Variants in EPB41L5 observed in about 807,000 individuals in gnomAD.
EPB41L5 encodes the protein band 4.1-like protein 5.
A neutral mutation model predicts 106.6 loss-of-function variants in EPB41L5; 55 were observed. That is an observed-to-expected ratio of 0.52 (90% confidence interval 0.42 to 0.65). The LOEUF is 0.65. EPB41L5 is among the 30% of genes least tolerant of loss of function. EPB41L5 has a pLI of 0.00. For synonymous variants in EPB41L5, 297 were observed against 306.7 expected (o/e 0.97, Z 0.33); for missense variants, 871 against 882.1 (o/e 0.99, Z 0.16).
At chr2:120,031,509 C>T (rs923388581) in intron 2 of EPB41L5, among the ~76,000 whole-genome samples, 1 of 152,068 alleles carries the variant, frequency 6.6e-6, no homozygotes. Context: ...TTGTAGTGGG[C>T]CAGAGCTTTG....
chr2:120,054,199 A>G (rs1324513169), intron 3 of EPB41L5, among the ~76,000 whole-genome samples: 1 of 152,120 alleles, frequency 6.6e-6, no homozygotes, highest in African/African-American at 2.4e-5. Flanking sequence ...CCGTTTGTGT[A>G]TCTTCTTTGG....
chr2:120,077,182 T>G (rs1324517459), intron 8 of EPB41L5, 47 bp from the exon 9 acceptor site: 10 of 1,578,994 alleles, frequency 6.3e-6, no homozygotes, highest in African/African-American at 1.4e-5. Flanking sequence ...GTATAGAATT[T>G]ATTTTATATT....
chr2:120,044,640 T>C (rs897181282), intron 3 of EPB41L5, among the ~76,000 whole-genome samples: 1 of 152,232 alleles, frequency 6.6e-6, no homozygotes, highest in Non-Finnish European at 1.5e-5. Context: ...TAAGTTGTAT[T>C]ATTAGCCCTT....
At chr2:120,051,513 A>T (rs577353477) in intron 3 of EPB41L5, among the ~76,000 whole-genome samples, 13 of 152,282 alleles carry the variant, frequency 8.5e-5, no homozygotes, top group South Asian at 4.2e-4. Context: ...AAAGCTCAGT[A>T]TTAGGTTGAG....
intron 20 of EPB41L5, among the ~76,000 whole-genome samples, chr2:120,151,287 G>A (rs1224295195): frequency 2.6e-5 from 4 of 151,820 alleles, no homozygotes; most frequent in African/African-American, 9.7e-5. Flanking sequence ...GCGACGGAGC[G>A]AGACTCCATC....
chr2:120,061,035 T>C (rs1020155704), intron 3 of EPB41L5, among the ~76,000 whole-genome samples: 2 of 102,976 alleles, frequency 1.9e-5, no homozygotes, highest in African/African-American at 7.0e-5. Context: ...AGGGAAGTTT[T>C]TTTTTTTTTT....
intron 19 of EPB41L5, 24 bp downstream of exon 19, chr2:120,143,155 C>A: frequency 3.2e-6 from 5 of 1,545,076 alleles, no homozygotes; most frequent in Non-Finnish European, 4.3e-6. Flanking sequence ...GATAGATAGC[C>A]CTGGTGAAGT....
chr2:120,129,928 C>G lies in EPB41L5; in HGVS notation c.1502-1690C>G, dbSNP rs111245232. Reference sequence around the variant, plus strand: ...CGGGAGGCCAAGGCAGGCGGATCACCTGAGGTCAGCAGTTCGAGACCAGCC... The same window carrying G: ...CGGGAGGCCAAGGCAGGCGGATCACGTGAGGTCAGCAGTTCGAGACCAGCC... On this transcript the variant is annotated intron_variant, in intron 17 of 24. Transcript: ENST00000263713. 8.1e-3 allele frequency among the ~76,000 whole-genome samples: 1,228 copies of G among 152,174 alleles called. 14 individuals are homozygous for G. Among genetic ancestry groups the G allele is most frequent in the African/African-American group, 0.028 (1,165 of 41,520 alleles).
chr2:120,104,205 C>A, intron 16 of EPB41L5: 2 of 1,535,810 alleles, frequency 1.3e-6, no homozygotes, highest in South Asian at 1.2e-5. Context: ...TCATGATGTT[C>A]ATTTTCCTGG....
intron 14 of EPB41L5, among the ~76,000 whole-genome samples, chr2:120,099,990 G>A (rs1215278253): frequency 6.6e-6 from 1 of 152,152 alleles, no homozygotes; most frequent in East Asian, 1.9e-4. Context: ...TACCTCTAAA[G>A]CATGATTAAA....
At chr2:120,090,219 A>G (rs1427520470) in intron 11 of EPB41L5, 128 bp from the exon 12 acceptor site, 2 of 679,832 alleles carry the variant, frequency 2.9e-6, no homozygotes, top group Non-Finnish European at 4.7e-6. Context: ...TGTTGATACT[A>G]TAAAGAGTGT....
intron 3 of EPB41L5, among the ~76,000 whole-genome samples, chr2:120,058,008 C>G (rs1016317734): frequency 2.0e-5 from 3 of 152,028 alleles, no homozygotes; most frequent in African/African-American, 7.2e-5. Flanking sequence ...AATTTTCAGT[C>G]TTAAAATCAC....
intron 2 of EPB41L5, among the ~76,000 whole-genome samples, chr2:120,027,746 T>G (rs1678431965): frequency 2.6e-5 from 4 of 152,222 alleles, no homozygotes; most frequent in Admixed American, 2.6e-4. Context: ...GTTCTAAAAT[T>G]GATTTTTGTG....
At chr2:120,056,247 T>TA (rs201057755) in intron 3 of EPB41L5, among the ~76,000 whole-genome samples, 1 of 151,906 alleles carries the variant, frequency 6.6e-6, no homozygotes, top group African/African-American at 2.4e-5. Flanking sequence ...TTTTTTTTTT[T>TA]AATGTTGAAC....
At chr2:120,132,886 C>T (rs565808709) in intron 18 of EPB41L5, among the ~76,000 whole-genome samples, 5 of 151,556 alleles carry the variant, frequency 3.3e-5, no homozygotes, top group South Asian at 2.1e-4. Flanking sequence ...GAGTGGGGGG[C>T]GGGGATTGTT....
rs73948991 is a variant in EPB41L5, at chr2:120,014,944, G to C, written c.-9+1734G>C. 7.9e-3 allele frequency among the ~76,000 whole-genome samples: 1,143 copies of C among 145,380 alleles called. 12 individuals carry two copies. Among genetic ancestry groups the C allele is most frequent in the African/African-American group, 0.027 (1,083 of 39,610 alleles). ...AGTGCAGGTGGGAGGGGAAAAGTGA[G>C]TATGAGAAAACTTTTTTCACAATCA... On this transcript the variant is annotated intron_variant, in intron 1 of 24. Coordinates refer to ENST00000263713, the MANE Select transcript of EPB41L5 (RefSeq NM_020909.4).
chr2:120,139,656 T>C (rs1203978164), intron 18 of EPB41L5, among the ~76,000 whole-genome samples: 1 of 151,994 alleles, frequency 6.6e-6, no homozygotes, highest in African/African-American at 2.4e-5. Context: ...TATAATGGCT[T>C]TTATCCAAAA....
At chr2:120,074,807 A>C (rs1232882007) in intron 5 of EPB41L5, among the ~76,000 whole-genome samples, 1 of 152,160 alleles carries the variant, frequency 6.6e-6, no homozygotes, top group Non-Finnish European at 1.5e-5. Flanking sequence ...AGTAGCTATC[A>C]TCTGTAGTTA....
intron 2 of EPB41L5, among the ~76,000 whole-genome samples, chr2:120,023,662 C>T (rs1046411429): frequency 5.3e-5 from 8 of 152,070 alleles, no homozygotes; most frequent in African/African-American, 7.2e-5. Flanking sequence ...CTTGGCTATA[C>T]GGGCTCTTTT....
Sources: allele counts gnomAD v4.1 joint callset (sites outside exome capture counted in the v4.1 genomes callset), GRCh38; gene constraint gnomAD v4.1.1; transcripts MANE v1.5; gene names NCBI Gene and HGNC (gene_info 2026-07-23, HGNC 2026-07-21).